COX7B2: variants seen among roughly 807,000 people sequenced by gnomAD.
COX7B2 encodes the protein cytochrome c oxidase subunit 7B2.
For synonymous variants in COX7B2, 37 were observed against 32.1 expected (o/e 1.15, Z -0.51); for missense variants, 109 against 95.9 (o/e 1.14, Z -0.57).
intron 1 of COX7B2, among the ~76,000 whole-genome samples, chr4:46,865,601 G>A (rs759565621): frequency 2.0e-5 from 3 of 152,032 alleles, no homozygotes; most frequent in Non-Finnish European, 4.4e-5. Flanking sequence ...CTTCCTCCTA[G>A]GAAACACATC....
chr4:46,843,898 C>T (rs1476433945), intron 2 of COX7B2, among the ~76,000 whole-genome samples: 1 of 151,950 alleles, frequency 6.6e-6, no homozygotes, highest in Non-Finnish European at 1.5e-5. Context: ...AGGTACTTTG[C>T]TGCCAATTTT....
intron 2 of COX7B2, among the ~76,000 whole-genome samples, chr4:46,749,234 G>T (rs772146688): frequency 2.2e-4 from 34 of 151,930 alleles, no homozygotes; most frequent in Non-Finnish European, 4.4e-4. Flanking sequence ...CAGCTCCCTC[G>T]CAATATATAA....
chr4:46,886,099 A>G (rs7679715), intron 1 of COX7B2, among the ~76,000 whole-genome samples: 52,431 of 152,056 alleles, frequency 0.34, 9,335 homozygotes, highest in South Asian at 0.42. Flanking sequence ...ACTTGCCCCA[A>G]TGCCCTTGAA....
intron 2 of COX7B2, among the ~76,000 whole-genome samples, chr4:46,815,965 C>T (rs1719530345): frequency 6.6e-6 from 1 of 152,154 alleles, no homozygotes; most frequent in Non-Finnish European, 1.5e-5. Context: ...ACCACAAACA[C>T]TCCTCTTCTC....
chr4:46,800,771 T>A (rs758907926), intron 2 of COX7B2, among the ~76,000 whole-genome samples: 6 of 149,480 alleles, frequency 4.0e-5, no homozygotes, highest in Non-Finnish European at 7.5e-5. Context: ...AATTAAAGAG[T>A]TTTGCACAGC....
intron 1 of COX7B2, among the ~76,000 whole-genome samples, chr4:46,885,343 G>C (rs1260480901): frequency 6.6e-6 from 1 of 152,074 alleles, no homozygotes; most frequent in Admixed American, 6.6e-5. Flanking sequence ...AAGCTGTGTA[G>C]TAGGTAATAG....
intron 1 of COX7B2, among the ~76,000 whole-genome samples, chr4:46,863,736 C>T (rs1717478846): frequency 6.6e-6 from 1 of 152,148 alleles, no homozygotes; most frequent in Non-Finnish European, 1.5e-5. Context: ...TTTAACTCTT[C>T]ATATTGACTG....
intron 2 of COX7B2, among the ~76,000 whole-genome samples, chr4:46,826,632 T>C (rs1181892099): frequency 6.6e-6 from 1 of 152,148 alleles, no homozygotes; most frequent in Non-Finnish European, 1.5e-5. Flanking sequence ...AATGACAGAT[T>C]GGATAAAGAA....
intron 1 of COX7B2, among the ~76,000 whole-genome samples, chr4:46,861,085 G>T (rs182674149): frequency 6.6e-6 from 1 of 152,226 alleles, no homozygotes; most frequent in Admixed American, 6.5e-5. Context: ...TACCCGAGGG[G>T]GTTCATTTAT....
At chr4:46,908,092 C>T (rs925655613) in intron 1 of COX7B2, among the ~76,000 whole-genome samples, 1 of 151,722 alleles carries the variant, frequency 6.6e-6, no homozygotes, top group East Asian at 1.9e-4. Flanking sequence ...ATCTCGTGAT[C>T]CTCCCGCCTC....
intron 2 of COX7B2, among the ~76,000 whole-genome samples, chr4:46,800,023 G>C (rs1261894588): frequency 2.0e-5 from 3 of 151,922 alleles, no homozygotes; most frequent in Non-Finnish European, 4.4e-5. Context: ...TTAAATTTCA[G>C]AACTCGTTAT....
intron 1 of COX7B2, among the ~76,000 whole-genome samples, chr4:46,900,506 G>C (rs1045022923): frequency 4.6e-5 from 7 of 152,032 alleles, no homozygotes; most frequent in Non-Finnish European, 1.0e-4. Context: ...GGGGAGGAGG[G>C]GGGTCTTATT....
At chr4:46,815,725 A>ATTT (rs1719518111) in intron 2 of COX7B2, among the ~76,000 whole-genome samples, 2 of 152,246 alleles carry the variant, frequency 1.3e-5, no homozygotes, top group East Asian at 3.9e-4. Context: ...ATTTTCTATT[A>ATTT]TTAAAACTGT....
chr4:46,862,796 C>A (rs184373872), intron 1 of COX7B2, among the ~76,000 whole-genome samples: 7 of 152,218 alleles, frequency 4.6e-5, no homozygotes, highest in African/African-American at 1.4e-4. Context: ...CCTAGTAGCA[C>A]AACTTTTATA....
intron 1 of COX7B2, among the ~76,000 whole-genome samples, chr4:46,904,944 C>A (rs914925459): frequency 1.3e-5 from 2 of 152,114 alleles, no homozygotes; most frequent in Non-Finnish European, 2.9e-5. Flanking sequence ...TATGGTAGAA[C>A]CTACTAAATG....
At chr4:46,756,057 A>G (rs919288142) in intron 2 of COX7B2, among the ~76,000 whole-genome samples, 4 of 152,124 alleles carry the variant, frequency 2.6e-5, no homozygotes, top group Admixed American at 2.6e-4. Context: ...TCTGACTTCA[A>G]ATTATACTAC....
chr4:46,831,189 G>A (rs1715062824), intron 2 of COX7B2, among the ~76,000 whole-genome samples: 1 of 152,152 alleles, frequency 6.6e-6, no homozygotes, highest in South Asian at 2.1e-4. Context: ...CAGGCCAGCA[G>A]CTGCGGAGGG....
At chr4:46,742,562 A>G (rs1714782630) in intron 2 of COX7B2, among the ~76,000 whole-genome samples, 2 of 152,248 alleles carry the variant, frequency 1.3e-5, no homozygotes, top group South Asian at 4.1e-4. Context: ...TCTATTTTAT[A>G]TGTAATGGCA....
In COX7B2 at chr4:46,885,135, T is replaced by C. The variant is rs185176272; in HGVS notation, c.-105+24025A>G. On this transcript the variant is annotated intron_variant, in intron 1 of 2. Coordinates refer to ENST00000355591, the MANE Select transcript of COX7B2 (RefSeq NM_130902.3). ...ATTGGTGTTTATATTATTTTCATTA[T>C]TATTACATCCAAGTCTTGTTTTGAC... 1.6e-3 allele frequency among the ~76,000 whole-genome samples: 249 copies of C among 152,284 alleles called. 3 individuals carry two copies. Among genetic ancestry groups the C allele is most frequent in the African/African-American group, 5.7e-3 (239 of 41,584 alleles).
Sources: allele counts gnomAD v4.1 joint callset (sites outside exome capture counted in the v4.1 genomes callset), GRCh38; gene constraint gnomAD v4.1.1; transcripts MANE v1.5; gene names NCBI Gene and HGNC (gene_info 2026-07-23, HGNC 2026-07-21).